The following TPST2 variants were observed in gnomAD, a reference collection of about 807,000 sequenced individuals.
TPST2 encodes the protein tyrosylprotein sulfotransferase 2.
Under a neutral mutation model 27.8 loss-of-function variants are expected in TPST2, and 16 were observed. The ratio of observed to expected loss-of-function variants is 0.58; its 90% CI spans 0.39 to 0.88. The LOEUF is 0.88. TPST2 is among the 40% of genes least tolerant of loss of function. The pLI is 0.00. For missense variants in TPST2, 464 were observed against 543.1 expected (o/e 0.85, Z 1.45); for synonymous variants, 229 against 231.7 (o/e 0.99, Z 0.10).
intron 5 of TPST2, among the ~76,000 whole-genome samples, chr22:26,531,033 C>A (rs56369822): frequency 1.3e-5 from 2 of 152,060 alleles, no homozygotes; most frequent in African/African-American, 4.8e-5. Context: ...AAAACAAAAA[C>A]AAAAGGGTTG....
In TPST2 at chr22:26,541,644, CAGGGTAGG is replaced by C. The variant is rs1925846375; in HGVS notation, c.-22_-15del. ...CGACAGGCGCATGCTGGGCCGGAGG[CAGGGTAGG>C]CCTGGCCTGAGGGCCCGCTTCTGGG... On this transcript the variant is annotated 5_prime_UTR_variant, in exon 3 of 7. Transcript: ENST00000338754. This position sits in a 1 kb window ranked among gnomAD's most constrained non-coding sequence, Gnocchi z 5.9. The C allele has an allele frequency of 6.5e-7, 1 of 1,547,970 alleles. No individual in the cohort carries two copies. The highest frequency in any genetic ancestry group is 1.9e-5 in the Admixed American group (1 of 52,212).
chr22:26,540,560 C>T (rs75899548), intron 3 of TPST2, among the ~76,000 whole-genome samples: 4,526 of 152,194 alleles, frequency 0.03, 171 homozygotes, highest in East Asian at 0.19. Context: ...GGCAACAGAC[C>T]GAGACACTGC....
chr22:26,554,006 C>T lies in TPST2; in HGVS notation c.-160-9331G>A, dbSNP rs74276981. Among the ~76,000 whole-genome samples, 169 of 152,204 alleles carry T rather than the reference C, an allele frequency of 1.1e-3. 4 individuals are homozygous for T. In the East Asian group the frequency reaches 0.031, roughly 28 times the overall value. On this transcript the variant is annotated intron_variant, in intron 1 of 6. Transcript: ENST00000338754. The stretch of plus-strand genomic sequence containing the variant: ...AGAACCCAAGAAGACGGACAGCCAA[C>T]AATATATTTTGACCCTCATGACAGG...
intron 1 of TPST2, among the ~76,000 whole-genome samples, chr22:26,567,755 G>C (rs1406480420): frequency 6.6e-6 from 1 of 152,196 alleles, no homozygotes; most frequent in African/African-American, 2.4e-5. Flanking sequence ...AAATGGGAAC[G>C]TCTGAAGACA....
chr22:26,576,343 G>A (rs780559039), intron 1 of TPST2, among the ~76,000 whole-genome samples: 2 of 152,190 alleles, frequency 1.3e-5, no homozygotes, highest in Non-Finnish European at 2.9e-5. Flanking sequence ...CCCCAAGTCA[G>A]ATCTACAGGA....
chr22:26,570,053 A>AAGACAGACAGACAGAC (rs1569193966), intron 1 of TPST2, among the ~76,000 whole-genome samples: 1 of 131,550 alleles, frequency 7.6e-6, no homozygotes, highest in East Asian at 2.2e-4. Context: ...GACAGAAAGA[A>AAGACAGACAGACAGAC]AGAAAGAAAG....
intron 5 of TPST2, among the ~76,000 whole-genome samples, chr22:26,529,010 A>AAC (rs1555927219): frequency 6.6e-6 from 1 of 151,764 alleles, no homozygotes; most frequent in East Asian, 1.9e-4. Context: ...ACAAAAAAAA[A>AAC]ACAAAACGTA....
intron 1 of TPST2, among the ~76,000 whole-genome samples, chr22:26,575,387 C>T (rs532922915): frequency 2.6e-5 from 4 of 152,308 alleles, no homozygotes; most frequent in African/African-American, 7.2e-5. Flanking sequence ...ACGGCAATAA[C>T]AGTAATCATC....
chr22:26,528,325 G>T, intron 5 of TPST2, 63 bp from the exon 6 acceptor site: 1 of 1,533,922 alleles, frequency 6.5e-7, no homozygotes, highest in South Asian at 1.2e-5. Context: ...TTGCTGTATT[G>T]AGGGTCACCC....
chr22:26,533,468 C>T (rs1214622645), intron 4 of TPST2, among the ~76,000 whole-genome samples: 1 of 151,984 alleles, frequency 6.6e-6, no homozygotes, highest in African/African-American at 2.4e-5. Flanking sequence ...AAATAGATAA[C>T]CTTTGAGCTG....
intron 1 of TPST2, among the ~76,000 whole-genome samples, chr22:26,585,276 C>A (rs4822744): frequency 0.37 from 56,112 of 152,036 alleles, 10,538 homozygotes; most frequent in Middle Eastern, 0.45. Flanking sequence ...GCTGGCTGCC[C>A]GCCATCTGAG....
chr22:26,552,549 G>C (rs891268678), intron 1 of TPST2, among the ~76,000 whole-genome samples: 4 of 152,098 alleles, frequency 2.6e-5, no homozygotes, highest in Non-Finnish European at 5.9e-5. Context: ...ATCTCTCTTG[G>C]GGGTAGGCAA....
chr22:26,574,729 T>G (rs1407170033), intron 1 of TPST2, among the ~76,000 whole-genome samples: 5 of 152,074 alleles, frequency 3.3e-5, no homozygotes, highest in Admixed American at 2.6e-4. Flanking sequence ...ATCCTTGCAA[T>G]GAAGGAGCAC....
intron 1 of TPST2, among the ~76,000 whole-genome samples, chr22:26,578,023 G>A (rs1036170737): frequency 3.9e-5 from 6 of 152,094 alleles, no homozygotes; most frequent in Non-Finnish European, 7.4e-5. Context: ...AGGAATATCA[G>A]TAATGTTCAT....
chr22:26,572,426 A>T (rs1439872364), intron 1 of TPST2, among the ~76,000 whole-genome samples: 1 of 152,140 alleles, frequency 6.6e-6, no homozygotes, highest in Non-Finnish European at 1.5e-5. Context: ...GAGTCCTTGG[A>T]TCTAGCCATA....
rs1190858308 is a variant in TPST2 at position 26,552,758 on chromosome 22, T to G, written c.-160-8083A>C. On this transcript the variant is annotated intron_variant, in intron 1 of 6. Transcript: ENST00000338754. Reference sequence around the variant, plus strand: ...CATAGTTTGCCAACCCCCTGGTCTATATCACGAAAAGACACTATCAGCCAG... The same window carrying G: ...CATAGTTTGCCAACCCCCTGGTCTAGATCACGAAAAGACACTATCAGCCAG... Among the ~76,000 whole-genome samples the G allele has an allele frequency of 8.5e-5, 13 of 152,098 alleles. 1 individual carries two copies. The highest frequency in any genetic ancestry group is 8.5e-4 in the Admixed American group (13 of 15,254).
chr22:26,542,178 C>T (rs571578330), intron 2 of TPST2, among the ~76,000 whole-genome samples: 63 of 149,574 alleles, frequency 4.2e-4, no homozygotes, highest in Middle Eastern at 3.5e-3. Flanking sequence ...GGAGGCAGAG[C>T]TTGCAGTGAG....
intron 1 of TPST2, among the ~76,000 whole-genome samples, chr22:26,572,963 A>G (rs1927687979): frequency 6.6e-6 from 1 of 152,044 alleles, no homozygotes; most frequent in Admixed American, 6.6e-5. Context: ...CCCACCTATT[A>G]GTTTTGTGAC....
intron 5 of TPST2, among the ~76,000 whole-genome samples, chr22:26,529,722 G>A (rs2147172440): frequency 6.6e-6 from 1 of 152,280 alleles, no homozygotes; most frequent in South Asian, 2.1e-4. Context: ...CTGTACCTGA[G>A]TTGTATTCTT....
Sources: allele counts gnomAD v4.1 joint callset (sites outside exome capture counted in the v4.1 genomes callset), GRCh38; gene constraint gnomAD v4.1.1; non-coding constraint Gnocchi (gnomAD v3.1); transcripts MANE v1.5; gene names NCBI Gene and HGNC (gene_info 2026-07-23, HGNC 2026-07-21).